TBC1D5: variants seen among roughly 807,000 people sequenced by gnomAD.
The protein encoded by TBC1D5 is TBC1 domain family member 5.
TBC1D5 carries 75 observed loss-of-function variants against 100.3 expected under a neutral mutation model. The ratio of observed to expected loss-of-function variants is 0.75; its 90% CI spans 0.62 to 0.91. TBC1D5 has a LOEUF of 0.91. TBC1D5 is among the 40% of genes least tolerant of loss of function. TBC1D5 has a pLI of 0.00. For synonymous variants in TBC1D5, 323 were observed against 325.6 expected, an observed-to-expected ratio of 0.99 and a Z score of 0.09; for missense variants, 910 against 942.4, an observed-to-expected ratio of 0.97 and a Z score of 0.45.
intron 3 of TBC1D5, among the ~76,000 whole-genome samples, chr3:17,489,844 T>A (rs78369091): frequency 0.08 from 12,147 of 152,234 alleles, 989 homozygotes; most frequent in African/African-American, 0.22. Flanking sequence ...TTGTAATAGA[T>A]TGATTTATAT....
At chr3:17,192,447 T>A (rs1482771603) in intron 18 of TBC1D5, among the ~76,000 whole-genome samples, 1 of 152,160 alleles carries the variant, frequency 6.6e-6, no homozygotes, top group Non-Finnish European at 1.5e-5. Context: ...GTAAAGGGCT[T>A]CCTTCTATAT....
intron 13 of TBC1D5, among the ~76,000 whole-genome samples, chr3:17,348,410 A>T (rs1419507657): frequency 6.6e-6 from 1 of 152,190 alleles, no homozygotes; most frequent in Non-Finnish European, 1.5e-5. Context: ...CTACCCTGAT[A>T]TGGGACCTGG....
chr3:17,548,057 G>A (rs2096435775), intron 2 of TBC1D5, among the ~76,000 whole-genome samples: 2 of 152,274 alleles, frequency 1.3e-5, no homozygotes, highest in South Asian at 4.2e-4. Context: ...GCTCATGCCT[G>A]TAATCCCAAC....
chr3:17,394,226 G>T, intron 8 of TBC1D5, among the ~76,000 whole-genome samples: 1 of 152,082 alleles, frequency 6.6e-6, no homozygotes. Flanking sequence ...TTTTGAATAA[G>T]ATTTGAGATA....
At chr3:17,513,104 C>T (rs1000879520) in intron 2 of TBC1D5, among the ~76,000 whole-genome samples, 10 of 152,054 alleles carry the variant, frequency 6.6e-5, no homozygotes, top group South Asian at 2.1e-4. Context: ...GAGGCAGAGG[C>T]GGGCAGATCA....
intron 1 of TBC1D5, among the ~76,000 whole-genome samples, chr3:17,732,643 A>T (rs2076658796): frequency 6.6e-6 from 1 of 151,070 alleles, no homozygotes; most frequent in Admixed American, 6.6e-5. Flanking sequence ...GGAGGCTGAG[A>T]CAGAAGAATG....
chr3:17,502,135 C>T (rs573153388), intron 3 of TBC1D5, among the ~76,000 whole-genome samples: 2 of 149,478 alleles, frequency 1.3e-5, no homozygotes, highest in African/African-American at 5.1e-5. Flanking sequence ...CTTCCAAGAC[C>T]GCAGAACTCT....
chr3:17,490,492 G>C (rs2095625518), intron 3 of TBC1D5, among the ~76,000 whole-genome samples: 2 of 152,054 alleles, frequency 1.3e-5, no homozygotes, highest in Admixed American at 1.3e-4. Context: ...AATCCATCTT[G>C]AGTTAATTTT....
intron 3 of TBC1D5, among the ~76,000 whole-genome samples, chr3:17,481,170 C>G (rs1211289273): frequency 6.6e-6 from 1 of 152,226 alleles, no homozygotes; most frequent in African/African-American, 2.4e-5. Context: ...TGCAGTACAT[C>G]TGATCAAGCC....
At chr3:17,175,337 C>G (rs995216761) in intron 19 of TBC1D5, among the ~76,000 whole-genome samples, 3 of 152,042 alleles carry the variant, frequency 2.0e-5, no homozygotes, top group Non-Finnish European at 4.4e-5. Flanking sequence ...ACTGAGTAAG[C>G]GTGGCACAGA....
intron 2 of TBC1D5, among the ~76,000 whole-genome samples, chr3:17,621,782 T>A (rs2062682826): frequency 6.6e-6 from 1 of 152,130 alleles, no homozygotes; most frequent in African/African-American, 2.4e-5. Flanking sequence ...TTTATCAGAA[T>A]GTACTATGCT....
At chr3:17,158,831 G>A (rs559651312) in exon 22 of TBC1D5, 1 of 152,238 alleles carries the variant, frequency 6.6e-6, no homozygotes, top group South Asian at 2.1e-4. Flanking sequence ...GAGGTCAGCA[G>A]GTGACACTGG....
At chr3:17,672,308 C>T (rs2068036614) in intron 1 of TBC1D5, among the ~76,000 whole-genome samples, 1 of 152,042 alleles carries the variant, frequency 6.6e-6, no homozygotes, top group Non-Finnish European at 1.5e-5. Flanking sequence ...TAAAAACATT[C>T]CAAAATGTTT....
At chr3:17,313,995 T>TTCCTGTTCCAGAAAGTGCCCTGAC (rs1330118842) in intron 13 of TBC1D5, among the ~76,000 whole-genome samples, 1 of 152,164 alleles carries the variant, frequency 6.6e-6, no homozygotes, top group Non-Finnish European at 1.5e-5. Context: ...TTTCTCTTCT[T>TTCCTGTTCCAGAAAGTGCCCTGAC]TCCTGTTCCA....
intron 2 of TBC1D5, among the ~76,000 whole-genome samples, chr3:17,570,975 A>G (rs2096623598): frequency 6.6e-6 from 1 of 152,036 alleles, no homozygotes; most frequent in Non-Finnish European, 1.5e-5. Context: ...TCACCTCTCT[A>G]ATGTTTCTAT....
intron 4 of TBC1D5, among the ~76,000 whole-genome samples, chr3:17,420,891 T>G (rs1434593467): frequency 6.6e-6 from 1 of 152,176 alleles, no homozygotes; most frequent in African/African-American, 2.4e-5. Context: ...CCTTGGATGA[T>G]CAGGCTTTCA....
At chr3:17,299,329 G>T (rs1041508465) in intron 14 of TBC1D5, among the ~76,000 whole-genome samples, 2 of 151,956 alleles carry the variant, frequency 1.3e-5, no homozygotes, top group African/African-American at 4.8e-5. Context: ...AAACTTAGGA[G>T]GTTTTTTTAT....
intron 8 of TBC1D5, among the ~76,000 whole-genome samples, chr3:17,391,037 C>T (rs1271790411): frequency 1.3e-5 from 2 of 152,002 alleles, no homozygotes; most frequent in African/African-American, 2.4e-5. Flanking sequence ...AAATACACTC[C>T]CCTAACTTCC....
chr3:17,280,130 G>A (rs1057042151), intron 15 of TBC1D5, among the ~76,000 whole-genome samples: 3 of 152,122 alleles, frequency 2.0e-5, no homozygotes, highest in Non-Finnish European at 4.4e-5. Context: ...ATAATGTCAC[G>A]GAAAGACAGA....
Sources: gnomAD v4.1 joint callset for allele counts (sites outside exome capture counted in the v4.1 genomes callset) on GRCh38, gnomAD v4.1.1 for gene constraint, MANE v1.5 for transcripts, NCBI Gene and HGNC (gene_info 2026-07-23, HGNC 2026-07-21) for gene names.